FHL2: variants seen among roughly 807,000 people sequenced by gnomAD.
FHL2 encodes the protein four and a half LIM domains protein 2.
Under a neutral mutation model 32.7 loss-of-function variants are expected in FHL2, and 20 were observed. The ratio of observed to expected loss-of-function variants is 0.61; its 90% CI spans 0.43 to 0.89. The LOEUF (loss-of-function observed/expected upper bound fraction) is 0.89, where lower values mean the gene tolerates loss of function less well. Among genes scored for constraint, FHL2 ranks in the 40% least tolerant of loss-of-function variants. The pLI is 0.00. For missense variants in FHL2, 311 were observed against 358.6 expected (o/e 0.87, Z 1.07); for synonymous variants, 123 against 128.1 (o/e 0.96, Z 0.27).
At position 105,386,435 on chromosome 2, in the gene FHL2, A is replaced by G. The variant is rs1340905884; in HGVS notation, c.82T>C (p.Cys28Arg). The G allele has an allele frequency of 4.3e-6, 7 of 1,614,126 alleles. No individual in the cohort carries two copies. Among genetic ancestry groups the G allele is most frequent in the South Asian group, 1.1e-5 (1 of 91,092 alleles). ...KYILREESPYCVVCFETLFAN... is the reference protein window; with the variant it reads ...KYILREESPYRVVCFETLFAN... The stretch of plus-strand genomic sequence containing the variant: ...AACAGGGTCTCAAAGCACACCACGC[A>G]GTAGGGGCTCTCCTCCCGCAGGATG... Residue 28 changes from cysteine (C) to arginine (R), a missense_variant, in exon 3 of 7, where the codon TGC (cysteine) becomes CGC (arginine). By Grantham distance (180) the Cys-to-Arg change is radical. Coordinates refer to ENST00000530340, the MANE Select transcript of FHL2 (RefSeq NM_001318895.3).
chr2:105,407,969 A>G (rs936630805), intron 1 of FHL2, among the ~76,000 whole-genome samples: 1 of 152,214 alleles, frequency 6.6e-6, no homozygotes, highest in Non-Finnish European at 1.5e-5. Context: ...TTTTCTATCA[A>G]ATGCTTTAAA....
intron 1 of FHL2, among the ~76,000 whole-genome samples, chr2:105,436,211 G>A (rs540515554): frequency 2.6e-5 from 4 of 152,242 alleles, no homozygotes; most frequent in African/African-American, 9.6e-5. Context: ...AAAAAAATCA[G>A]TAAACCAGAT....
intron 2 of FHL2, among the ~76,000 whole-genome samples, chr2:105,392,539 C>T (rs1400950067): frequency 6.6e-6 from 1 of 151,954 alleles, no homozygotes; most frequent in Non-Finnish European, 1.5e-5. Context: ...GTTCAGAGGG[C>T]CAGGGAGCAA....
intron 4 of FHL2, among the ~76,000 whole-genome samples, chr2:105,371,417 G>A (rs531769117): frequency 6.6e-6 from 1 of 151,916 alleles, no homozygotes; most frequent in Non-Finnish European, 1.5e-5. Flanking sequence ...CCAGCCTGCC[G>A]CCCTACGGAA....
Position 105,361,269 on chromosome 2 carries a change from T to G in FHL2, c.*14A>C. 1 of 1,605,830 alleles carries G rather than the reference T, an allele frequency of 6.2e-7. No homozygotes were observed. Among genetic ancestry groups the G allele is most frequent in the Non-Finnish European group, 8.5e-7 (1 of 1,175,402 alleles). Reference sequence around the variant, plus strand: ...GTGTGTGAGATCACAAGCAGCAACTTCTCTGTGTTGAATTCAGATGTCTTT... The same window carrying G: ...GTGTGTGAGATCACAAGCAGCAACTGCTCTGTGTTGAATTCAGATGTCTTT... On this transcript the variant is annotated 3_prime_UTR_variant, in exon 7 of 7. Transcript: ENST00000530340.
In FHL2 at chr2:105,399,033, GCTC is replaced by G; in HGVS notation, c.-270_-268del. The G allele has an allele frequency of 6.7e-7, 1 of 1,494,782 alleles. No homozygotes were observed. Among genetic ancestry groups the G allele is most frequent in the Non-Finnish European group, 8.9e-7 (1 of 1,124,990 alleles). The allele number at this position is 1,494,782 out of a possible 1,614,324, so 92.6% of individuals were successfully genotyped here. ...AGGGCGCGGGCGGCTGGTGGCTGCG[GCTC>G]CGCTGCCGGCCGAGTGGAGCGCTGC... On this transcript the variant is annotated 5_prime_UTR_variant, in exon 1 of 7. Transcript: ENST00000530340.
intron 3 of FHL2, among the ~76,000 whole-genome samples, chr2:105,381,036 G>A (rs1164812497): frequency 6.6e-6 from 1 of 152,048 alleles, no homozygotes; most frequent in Non-Finnish European, 1.5e-5. Flanking sequence ...GGGAGCCCTG[G>A]ACCCCTCAGT....
chr2:105,370,044 G>A (rs552320347), intron 4 of FHL2, among the ~76,000 whole-genome samples: 3 of 152,336 alleles, frequency 2.0e-5, no homozygotes, highest in African/African-American at 7.2e-5. Flanking sequence ...AGGCGGAAGC[G>A]CAGTCTTGAA....
intron 4 of FHL2, among the ~76,000 whole-genome samples, chr2:105,372,232 TC>T (rs965615915): frequency 2.7e-5 from 2 of 73,350 alleles, no homozygotes; most frequent in Non-Finnish European, 5.4e-5. Flanking sequence ...TACATAACTT[TC>T]TTTTTTTTTT....
In FHL2 at chr2:105,396,669, A is replaced by G; in HGVS notation, c.-47T>C. The G allele has an allele frequency of 6.2e-7, 1 of 1,612,884 alleles. No individual in the cohort carries two copies. The highest frequency in any genetic ancestry group is 8.5e-7 in the Non-Finnish European group (1 of 1,179,862). ...CACCCCAAAGTCAAAATGCCAGCCT[A>G]GTCTCCAGGAAGACACAGTTCTCAG... On this transcript the variant is annotated 5_prime_UTR_variant, in exon 2 of 7. Transcript: ENST00000530340.
rs532184891 is a variant in FHL2 at position 105,398,591 on chromosome 2, G to C, written c.-76+251C>G. 6.4e-4 allele frequency among the ~76,000 whole-genome samples: 98 copies of C among 152,300 alleles called. 1 individual carries two copies. The highest frequency in any genetic ancestry group is 2.2e-3 in the African/African-American group (91 of 41,572). ...TGGCGGTGCCCCACCTGGTGAGGAC[G>C]CGGGCTGCAGTCCTCCCTCTGGGGA... On this transcript the variant is annotated intron_variant, in intron 1 of 6. Transcript: ENST00000530340.
intron 5 of FHL2, among the ~76,000 whole-genome samples, chr2:105,365,316 G>T (rs1437831337): frequency 6.8e-6 from 1 of 147,368 alleles, no homozygotes; most frequent in African/African-American, 2.5e-5. Context: ...TCCAGCATCA[G>T]ATCCCCAGTG....
chr2:105,398,796 C>T (rs1318840982), intron 1 of FHL2, 46 bp downstream of exon 1: 4 of 1,374,360 alleles, frequency 2.9e-6, no homozygotes. Context: ...TTCGGGTCCC[C>T]TCTCCCAGTG....
Position 105,386,425 on chromosome 2 carries a change from C to T in FHL2, c.92G>A (p.Cys31Tyr). ...LREESPYCVV[C>Y]FETLFANTCE... ...GGTGTTGGCGAACAGGGTCTCAAAG[C>T]ACACCACGCAGTAGGGGCTCTCCTC... Residue 31 changes from cysteine (C) to tyrosine (Y), a missense_variant, in exon 3 of 7, where the codon TGC (cysteine) becomes TAC (tyrosine). Physicochemically the swap from Cys to Tyr is radical, Grantham distance 194 (BLOSUM62 -2). Coordinates refer to ENST00000530340, the MANE Select transcript of FHL2 (RefSeq NM_001318895.3). 1 of 1,614,256 alleles carries T rather than the reference C, an allele frequency of 6.2e-7. No homozygotes were observed. The highest frequency in any genetic ancestry group is 8.5e-7 in the Non-Finnish European group (1 of 1,180,048).
At chr2:105,369,493 G>T (rs1282464678) in intron 4 of FHL2, among the ~76,000 whole-genome samples, 1 of 152,174 alleles carries the variant, frequency 6.6e-6, no homozygotes, top group Non-Finnish European at 1.5e-5. Flanking sequence ...AATAAGCAGG[G>T]TGTGTGTTGG....
At position 105,396,650 on chromosome 2, in the gene FHL2, A is replaced by G. The variant is rs577620628; in HGVS notation, c.-28T>C. The G allele has an allele frequency of 7.4e-6, 12 of 1,612,696 alleles. No homozygotes were observed. The East Asian group carries it at 1.6e-4, about 21-fold the overall frequency. On this transcript the variant is annotated 5_prime_UTR_variant, in exon 2 of 7. Coordinates refer to ENST00000530340, the MANE Select transcript of FHL2 (RefSeq NM_001318895.3). ...AGAGGAAATTCACTTGACTCACCCCAAAGTCAAAATGCCAGCCTAGTCTCC... is the reference window on the plus strand; with the variant it reads ...AGAGGAAATTCACTTGACTCACCCCGAAGTCAAAATGCCAGCCTAGTCTCC...
chr2:105,410,352 A>C (rs951660200), intron 1 of FHL2, among the ~76,000 whole-genome samples: 3 of 152,240 alleles, frequency 2.0e-5, no homozygotes, highest in African/African-American at 7.2e-5. Flanking sequence ...CATAGCTGCA[A>C]AATGAATTAT....
intron 1 of FHL2, 116 bp downstream of exon 1, chr2:105,398,726 T>C: frequency 8.3e-6 from 6 of 726,860 alleles, no homozygotes; most frequent in South Asian, 8.3e-5. Context: ...AGGGTTCGGC[T>C]CTCCTCTCCC....
chr2:105,397,485 TG>T (rs1354641134), intron 1 of FHL2, among the ~76,000 whole-genome samples: 2 of 152,042 alleles, frequency 1.3e-5, no homozygotes, highest in East Asian at 3.9e-4. Flanking sequence ...GGGACCCGGA[TG>T]TAAATTTAGG....
Sources: allele counts gnomAD v4.1 joint callset (sites outside exome capture counted in the v4.1 genomes callset), GRCh38; gene constraint gnomAD v4.1.1; transcripts MANE v1.5; gene names NCBI Gene and HGNC (gene_info 2026-07-23, HGNC 2026-07-21).